CUL2: variants seen among roughly 807,000 people sequenced by gnomAD.
CUL2 encodes the protein cullin-2.
A neutral mutation model predicts 110.2 loss-of-function variants in CUL2; 22 were observed. The ratio of observed to expected loss-of-function variants is 0.20; its 90% CI spans 0.14 to 0.28. CUL2 has a LOEUF of 0.28. Ranked by LOEUF, CUL2 falls within the 10% of genes least tolerant of loss-of-function variation. CUL2 has a pLI of 1.00. For missense variants in CUL2, 631 were observed against 905.5 expected (o/e 0.70, Z 3.89); for synonymous variants, 279 against 293.2 (o/e 0.95, Z 0.49).
chr10:35,046,525 A>G (rs1226561233), intron 6 of CUL2, among the ~76,000 whole-genome samples: 1 of 152,206 alleles, frequency 6.6e-6, no homozygotes, highest in African/African-American at 2.4e-5. Context: ...TTTAAGTCTG[A>G]GTTCATCCTG....
rs561747637 is a variant in CUL2, at chr10:35,032,571, T to C, written c.1111-77A>G. The C allele has an allele frequency of 1.8e-5, 20 of 1,136,098 alleles. No homozygotes were observed. In the South Asian group the frequency reaches 1.8e-4, roughly 10 times the overall value. The allele number at this position is 1,136,098 out of a possible 1,614,324, so 70.4% of individuals were successfully genotyped here. On this transcript the variant is annotated intron_variant, in intron 11 of 20. Coordinates refer to ENST00000374749, the MANE Select transcript of CUL2 (RefSeq NM_003591.4). ...AGCTAGTTCAATATAAGCCATAATC[T>C]GTACATCCAAAAATTACCCCGCCAC...
At chr10:35,109,828 C>T (rs1474425700) in intron 1 of CUL2, among the ~76,000 whole-genome samples, 1 of 152,216 alleles carries the variant, frequency 6.6e-6, no homozygotes, top group East Asian at 1.9e-4. Context: ...ATGGAAGTCA[C>T]TGGAGGTTTT....
chr10:35,097,480 AC>A (rs1433229500), intron 2 of CUL2, among the ~76,000 whole-genome samples: 1 of 116,916 alleles, frequency 8.6e-6, no homozygotes, highest in Non-Finnish European at 1.8e-5. Flanking sequence ...ACAGAGCAAG[AC>A]CCCCTGTCTC....
At chr10:35,071,939 T>A (rs1245758281) in intron 1 of CUL2, among the ~76,000 whole-genome samples, 1 of 152,276 alleles carries the variant, frequency 6.6e-6, no homozygotes, top group Non-Finnish European at 1.5e-5. Context: ...TCATTTAATA[T>A]TGCGAGGGAA....
At chr10:35,040,974 C>A (rs1202821486) in intron 8 of CUL2, among the ~76,000 whole-genome samples, 2 of 152,136 alleles carry the variant, frequency 1.3e-5, no homozygotes, top group Non-Finnish European at 2.9e-5. Flanking sequence ...CAGCCCGGTT[C>A]CTCCTAACAG....
At chr10:35,060,634 G>C (rs2134917456) in intron 4 of CUL2, among the ~76,000 whole-genome samples, 1 of 152,328 alleles carries the variant, frequency 6.6e-6, no homozygotes, top group African/African-American at 2.4e-5. Flanking sequence ...AGAAGAAACA[G>C]AGCCATGCAA....
At chr10:35,120,768 C>T (rs2087668653) in intron 1 of CUL2, among the ~76,000 whole-genome samples, 1 of 151,968 alleles carries the variant, frequency 6.6e-6, no homozygotes, top group Non-Finnish European at 1.5e-5. Context: ...TGGTGATGCA[C>T]ACCCGTAGTC....
At position 35,054,505 on chromosome 10, in the gene CUL2, A is replaced by G. The variant is rs778427034; in HGVS notation, c.352T>C (p.Leu118=). 4 of 1,595,752 alleles carry G rather than the reference A, an allele frequency of 2.5e-6. No individual in the cohort carries two copies. The South Asian group carries it at 4.6e-5, about 18-fold the overall frequency. Residue 118 remains leucine, a synonymous_variant, in exon 5 of 21, where the codon TTA becomes CTA. Coordinates refer to ENST00000374749, the MANE Select transcript of CUL2 (RefSeq NM_003591.4). The part of the protein sequence containing the change: ...LNTQFIKKNK[L]TEADLQYGYG... The stretch of plus-strand genomic sequence containing the variant: ...CCATACTGAAGGTCCGCTTCTGTTA[A>G]TTTATTCTTTTTAATAAACTGGGTG...
intron 1 of CUL2, among the ~76,000 whole-genome samples, chr10:35,109,580 T>G (rs1175435006): frequency 6.6e-6 from 1 of 152,234 alleles, no homozygotes; most frequent in Non-Finnish European, 1.5e-5. Context: ...AAGGATTTTC[T>G]GAGGTGACAT....
rs754745671 is a variant in CUL2, at chr10:35,035,299, G to A, written c.878-3C>T. On this transcript the variant is annotated splice_polypyrimidine_tract_variant and splice_region_variant and intron_variant, in intron 9 of 20. Coordinates refer to ENST00000374749, the MANE Select transcript of CUL2 (RefSeq NM_003591.4). The stretch of plus-strand genomic sequence containing the variant: ...TAAGACGTACATATTTGCCATGTCT[G>A]AGAGGAAAAAGACATCTGAGGGTTA... 11 of 1,612,962 alleles carry A rather than the reference G, an allele frequency of 6.8e-6. No individual in the cohort carries two copies. Among genetic ancestry groups the A allele is most frequent in the Non-Finnish European group, 9.3e-6 (11 of 1,179,522 alleles).
rs540974040 is a variant in CUL2, at chr10:35,010,288, C to T, written c.*23G>A. 4 of 1,578,856 alleles carry T rather than the reference C, an allele frequency of 2.5e-6. No homozygotes were observed. Among genetic ancestry groups the T allele is most frequent in the Non-Finnish European group, 8.6e-7 (1 of 1,160,976 alleles). On this transcript the variant is annotated 3_prime_UTR_variant, in exon 21 of 21. Transcript: ENST00000374749. The stretch of plus-strand genomic sequence containing the variant: ...AATGGTGATGGCAATGATCTTCTCA[C>T]ACCACGCTGGAGGAGAGCGACATCA...
chr10:35,066,085 T>TAAG (rs1159226255), intron 2 of CUL2, among the ~76,000 whole-genome samples: 2 of 152,196 alleles, frequency 1.3e-5, no homozygotes, highest in African/African-American at 4.8e-5. Context: ...GTTACTTATT[T>TAAG]TATTTCATGT....
intron 1 of CUL2, chr10:35,120,008 A>C (rs1395400960): frequency 1.3e-4 from 20 of 152,204 alleles, no homozygotes; most frequent in Admixed American, 3.3e-4. Flanking sequence ...TGGCAAAAAA[A>C]CGTTTGGCCC....
At position 35,031,232 on chromosome 10, in the gene CUL2, G is replaced by A; in HGVS notation, c.1386+68C>T. ...GTTTCCTGTTACTGTACACAATGCT[G>A]CAATGAACATCTTTATGTGCTTGTG... On this transcript the variant is annotated intron_variant, in intron 14 of 20. Coordinates refer to ENST00000374749, the MANE Select transcript of CUL2 (RefSeq NM_003591.4). This position sits in a 1 kb window ranked among gnomAD's most constrained non-coding sequence, Gnocchi z 4.4. The A allele has an allele frequency of 4.1e-6, 4 of 971,206 alleles. No homozygotes were observed. The highest frequency in any genetic ancestry group is 6.3e-6 in the Non-Finnish European group (4 of 637,694). 60.2% of individuals were successfully genotyped at this position (971,206 alleles called of 1,614,324 possible).
chr10:35,026,252 A>C (rs979786217), intron 16 of CUL2, among the ~76,000 whole-genome samples: 2 of 152,202 alleles, frequency 1.3e-5, no homozygotes, highest in African/African-American at 4.8e-5. Context: ...AATACTTCAG[A>C]TTGCCTGCTT....
chr10:35,088,165 ACTGT>A (rs780904930), intron 1 of CUL2, among the ~76,000 whole-genome samples: 2 of 152,106 alleles, frequency 1.3e-5, no homozygotes, highest in African/African-American at 2.4e-5. Flanking sequence ...TTTCTTATAT[ACTGT>A]CTGTCTCTCC....
chr10:35,037,314 G>T (rs1436588395), intron 9 of CUL2, among the ~76,000 whole-genome samples: 2 of 152,140 alleles, frequency 1.3e-5, no homozygotes, highest in Non-Finnish European at 2.9e-5. Flanking sequence ...CGCCACCTTG[G>T]TCTTACATCA....
chr10:35,090,199 G>T lies in CUL2; in HGVS notation c.-43C>A. The T allele has an allele frequency of 6.5e-6, 1 of 153,210 alleles. No individual in the cohort carries two copies. Among genetic ancestry groups the T allele is most frequent in the South Asian group, 1.8e-4 (1 of 5,522 alleles). The allele number at this position is 153,210 out of a possible 1,614,324, so 9.5% of individuals were successfully genotyped here. A position where few individuals can be genotyped will look rare whatever the true frequency, so the allele number is the denominator to read the frequency against. On this transcript the variant is annotated 5_prime_UTR_variant, in exon 1 of 21. Transcript: ENST00000374749. ...GTTACCTTCTGCAGAAGCAGGGCAA[G>T]GGGCAGGGGACAAGGGGAGGGGGAG... is the stretch of plus-strand genomic sequence containing the variant.
chr10:35,011,839 T>C lies in CUL2; in HGVS notation c.2106+9A>G, dbSNP rs968265535. The C allele has an allele frequency of 6.5e-7, 1 of 1,532,116 alleles. No homozygotes were observed. 94.9% of individuals were successfully genotyped at this position (1,532,116 alleles called of 1,614,324 possible). A position where few individuals can be genotyped will look rare whatever the true frequency, so the allele number is the denominator to read the frequency against. On this transcript the variant is annotated intron_variant, in intron 20 of 20. Coordinates refer to ENST00000374749, the MANE Select transcript of CUL2 (RefSeq NM_003591.4). ...CCCTAAGAAGCCCTGAGGACTGCCC[T>C]CCTTTTACCTCTTGAATAAGGGCAT...
Sources: gnomAD v4.1 joint callset for allele counts (sites outside exome capture counted in the v4.1 genomes callset) on GRCh38, gnomAD v4.1.1 for gene constraint, Gnocchi (gnomAD v3.1) non-coding constraint, MANE v1.5 for transcripts, NCBI Gene and HGNC (gene_info 2026-07-23, HGNC 2026-07-21) for gene names.